Variants in AP2A2 observed in about 807,000 individuals in gnomAD.
AP2A2 encodes the protein AP-2 complex subunit alpha-2.
Under a neutral mutation model 104.2 loss-of-function variants are expected in AP2A2, and 32 were observed. That is an observed-to-expected ratio of 0.31 (90% CI 0.23 to 0.41). AP2A2 has a LOEUF of 0.41. AP2A2 is among the 10% of genes least tolerant of loss of function. The probability of loss-of-function intolerance (pLI) is 1.00; values close to 1 mark genes in which losing one functional copy is unlikely to be tolerated. For synonymous variants in AP2A2, 539 were observed against 533.3 expected, an observed-to-expected ratio of 1.01 and a Z score of -0.15; for missense variants, 912 against 1,261.0, an observed-to-expected ratio of 0.72 and a Z score of 4.19.
chr11:964,168 T>G (rs961886471), intron 2 of AP2A2, among the ~76,000 whole-genome samples: 3 of 152,212 alleles, frequency 2.0e-5, no homozygotes, highest in Admixed American at 6.5e-5. Flanking sequence ...TCTTCCAGAC[T>G]TGCCGCTGGG....
chr11:986,167 G>C (rs1855448597), intron 8 of AP2A2, among the ~76,000 whole-genome samples: 1 of 152,224 alleles, frequency 6.6e-6, no homozygotes, highest in African/African-American at 2.4e-5. Flanking sequence ...GTTCTCACCA[G>C]GCTCCCAATA....
In AP2A2 at chr11:972,247, C is replaced by T. The variant is rs765372174; in HGVS notation, c.465C>T (p.Leu155=). Residue 155 remains leucine (L), a synonymous_variant, in exon 4 of 22, where the codon CTC becomes CTT. Coordinates refer to ENST00000448903, the MANE Select transcript of AP2A2 (RefSeq NM_012305.4). ...TCGCCGGGGAGATCCCTAAGGTCCT[C>T]GTAGCCGGGTATGTGCCGGGCTCGT... ...EAFAGEIPKV[L]VAGDTMDSVK... is the part of the protein sequence containing the mutation. 20 of 1,596,784 alleles carry T rather than the reference C, an allele frequency of 1.3e-5. No individual in the cohort carries two copies. Among genetic ancestry groups the T allele is most frequent in the African/African-American group, 8.0e-5 (6 of 74,718 alleles).
At chr11:933,349 C>T (rs1853350561) in intron 1 of AP2A2, among the ~76,000 whole-genome samples, 1 of 152,258 alleles carries the variant, frequency 6.6e-6, no homozygotes, top group Non-Finnish European at 1.5e-5. Context: ...TATAAAACCA[C>T]ATTTGCTGAT....
intron 1 of AP2A2, among the ~76,000 whole-genome samples, chr11:948,937 GA>G (rs1564787663): frequency 6.6e-6 from 1 of 152,012 alleles, no homozygotes; most frequent in Non-Finnish European, 1.5e-5. Context: ...GGCTTCTCTA[GA>G]AAAGTCACAC....
Position 970,055 on chromosome 11 carries a change from C to G in AP2A2, c.137-114C>G, listed in dbSNP as rs991639631. On this transcript the variant is annotated intron_variant, in intron 2 of 21. Coordinates refer to ENST00000448903, the MANE Select transcript of AP2A2 (RefSeq NM_012305.4). The stretch of plus-strand genomic sequence containing the variant: ...TGCACCTGCCTGGGCCCGGCCACCC[C>G]TCTCCTGGAGGCTTGTCCGTGCTGC... 5.1e-5 allele frequency: 61 copies of G among 1,194,730 alleles called. No homozygotes were observed. The African/African-American group carries it at 8.4e-4, about 16-fold the overall frequency. The allele number at this position is 1,194,730 out of a possible 1,614,324, so 74.0% of individuals were successfully genotyped here. A position where few individuals can be genotyped will look rare whatever the true frequency, so the allele number is the denominator to read the frequency against.
At chr11:1,009,596 AGCGCCAGG>A in intron 20 of AP2A2, 79 bp from the exon 21 acceptor site, 4 of 1,123,044 alleles carry the variant, frequency 3.6e-6, no homozygotes, top group Non-Finnish European at 4.8e-6. Flanking sequence ...CCCACGACCC[AGCGCCAGG>A]GTCTGGAGGG....
chr11:998,301 C>T (rs979480859), intron 14 of AP2A2, among the ~76,000 whole-genome samples: 1 of 151,644 alleles, frequency 6.6e-6, no homozygotes, highest in African/African-American at 2.4e-5. Context: ...CTGACTGCCC[C>T]CCAATCCCCA....
At chr11:957,530 G>A (rs1854278581) in intron 1 of AP2A2, among the ~76,000 whole-genome samples, 1 of 152,214 alleles carries the variant, frequency 6.6e-6, no homozygotes, top group African/African-American at 2.4e-5. Context: ...CCAGCTCCAC[G>A]ACAGAAAGGC....
chr11:946,706 G>T (rs1853848574), intron 1 of AP2A2: 1 of 139,276 alleles, frequency 7.2e-6, no homozygotes. Context: ...GGAGGCGGAG[G>T]TTGCAGTGAG....
intron 9 of AP2A2, among the ~76,000 whole-genome samples, 183 bp from the exon 10 acceptor site, chr11:988,369 G>T: frequency 6.6e-6 from 1 of 152,232 alleles, no homozygotes; most frequent in East Asian, 1.9e-4. Flanking sequence ...CCAGCAGGCG[G>T]AACTCTATTC....
chr11:960,146 C>T (rs1854380326), intron 2 of AP2A2, among the ~76,000 whole-genome samples: 1 of 152,048 alleles, frequency 6.6e-6, no homozygotes, highest in South Asian at 2.1e-4. Context: ...CCCTGTGGAA[C>T]TGGAGGGACA....
At chr11:946,358 T>G (rs2134503534) in intron 1 of AP2A2, 1 of 152,346 alleles carries the variant, frequency 6.6e-6, no homozygotes, top group East Asian at 1.9e-4. Context: ...CATGTCACTC[T>G]CGGACCTGTC....
intron 8 of AP2A2, 81 bp downstream of exon 8, chr11:985,663 A>T: frequency 6.3e-7 from 1 of 1,578,252 alleles, no homozygotes; most frequent in Non-Finnish European, 8.6e-7. Context: ...TGGGCGGATC[A>T]TGTCTGGTTT....
chr11:1,005,566 G>A (rs1392542409), intron 16 of AP2A2, among the ~76,000 whole-genome samples: 1 of 152,242 alleles, frequency 6.6e-6, no homozygotes, highest in African/African-American at 2.4e-5. Flanking sequence ...ACGGAACCCT[G>A]TGGCTGCAGG....
rs946466523 is a variant in AP2A2 at position 987,049 on chromosome 11, G to A, written c.1131+96G>A. ...GGTACGCAGTGCCTCCTGACTCCCC[G>A]CAGAGATGGAGGTGGTGCTGGTGCT... On this transcript the variant is annotated intron_variant, in intron 9 of 21. Transcript: ENST00000448903. The A allele has an allele frequency of 1.4e-4, 200 of 1,390,742 alleles. No homozygotes were observed. The Middle Eastern group carries it at 1.4e-3, about 10-fold the overall frequency. The allele number at this position is 1,390,742 out of a possible 1,614,324, so 86.2% of individuals were successfully genotyped here. A position where few individuals can be genotyped will look rare whatever the true frequency, so the allele number is the denominator to read the frequency against.
At chr11:950,760 T>TA (rs1481021227) in intron 1 of AP2A2, among the ~76,000 whole-genome samples, 1 of 152,100 alleles carries the variant, frequency 6.6e-6, no homozygotes, top group Non-Finnish European at 1.5e-5. Flanking sequence ...TTAGAATATA[T>TA]AAAAAACTTC....
chr11:950,627 CAAAA>C (rs906001041), intron 1 of AP2A2, among the ~76,000 whole-genome samples: 5 of 149,572 alleles, frequency 3.3e-5, no homozygotes, highest in Non-Finnish European at 5.9e-5. Context: ...GTGCAAATGA[CAAAA>C]AAAAAGTTAA....
chr11:941,882 C>T (rs759588333), intron 1 of AP2A2, among the ~76,000 whole-genome samples: 6 of 152,048 alleles, frequency 3.9e-5, no homozygotes, highest in African/African-American at 7.2e-5. Flanking sequence ...CCACCATGCC[C>T]GGCCTCTCAT....
intron 7 of AP2A2, 200 bp from the exon 8 acceptor site, chr11:985,235 G>A (rs532669818): frequency 1.1e-5 from 7 of 655,836 alleles, no homozygotes; most frequent in African/African-American, 3.7e-5. Flanking sequence ...GGCCTGCCTC[G>A]GCCTCCCAAA....
Sources: gnomAD v4.1 joint callset for allele counts (sites outside exome capture counted in the v4.1 genomes callset) on GRCh38, gnomAD v4.1.1 for gene constraint, MANE v1.5 for transcripts, NCBI Gene and HGNC (gene_info 2026-07-23, HGNC 2026-07-21) for gene names.